TNRC6B: variants seen among roughly 807,000 people sequenced by gnomAD.
TNRC6B encodes trinucleotide repeat-containing gene 6B protein.
In TNRC6B, 52 loss-of-function variants were observed where a neutral mutation model predicts 203.6. The observed-to-expected ratio is 0.26, with a 90% CI of 0.20 to 0.32. The LOEUF is 0.32. Ranked by LOEUF, TNRC6B falls within the 10% of genes least tolerant of loss-of-function variation. The pLI is 1.00. For synonymous variants in TNRC6B, 838 were observed against 845.7 expected, an observed-to-expected ratio of 0.99 and a Z score of 0.16; for missense variants, 1,923 against 2,286.2, an observed-to-expected ratio of 0.84 and a Z score of 3.24.
chr22:40,298,656 C>G (rs1399429986), intron 12 of TNRC6B, among the ~76,000 whole-genome samples: 3 of 152,214 alleles, frequency 2.0e-5, no homozygotes, highest in Admixed American at 6.5e-5. Context: ...GTAACTTGCT[C>G]TGAGTCAGCT....
chr22:40,137,201 C>T (rs1218509881), intron 3 of TNRC6B, among the ~76,000 whole-genome samples: 1 of 152,198 alleles, frequency 6.6e-6, no homozygotes, highest in African/African-American at 2.4e-5. Flanking sequence ...ATATCTCTAC[C>T]TTAGGCTGGA....
At chr22:40,289,147 G>T (rs1467022862) in intron 12 of TNRC6B, among the ~76,000 whole-genome samples, 1 of 152,034 alleles carries the variant, frequency 6.6e-6, no homozygotes, top group African/African-American at 2.4e-5. Context: ...TCCAGGCATG[G>T]TGGTGTGTAC....
intron 1 of TNRC6B, among the ~76,000 whole-genome samples, chr22:40,216,568 C>T (rs1473376139): frequency 6.6e-6 from 1 of 152,030 alleles, no homozygotes; most frequent in Non-Finnish European, 1.5e-5. Flanking sequence ...GTCTAGATGG[C>T]GTCACTGCAC....
upstream of TNRC6B, among the ~76,000 whole-genome samples, chr22:40,174,942 T>C (rs2069041895): frequency 6.6e-6 from 1 of 152,238 alleles, no homozygotes; most frequent in African/African-American, 2.4e-5. Context: ...GAATCTATTA[T>C]GTCTGGAAAC....
At position 40,261,936 on chromosome 22, in the gene TNRC6B, G is replaced by A; in HGVS notation, c.220G>A (p.Ala74Thr). ...TGGTGGCAACAATGCCAAAAGGGTG[G>A]CAGTGCCGAACGGACAACCGCCAAG... ...VNGGNNAKRV[A>T]VPNGQPPSAA... The change falls in exon 4 of 23, where the codon GCA becomes ACA. Residue 74 changes from alanine (A) to threonine (T), a missense_variant. Coordinates refer to ENST00000454349, the MANE Select transcript of TNRC6B (RefSeq NM_001162501.2). The A allele has an allele frequency of 6.2e-7, 1 of 1,612,632 alleles. No individual in the cohort carries two copies. The highest frequency in any genetic ancestry group is 1.1e-5 in the South Asian group (1 of 91,058).
At chr22:40,186,564 C>A (rs2069206032) in intron 1 of TNRC6B, among the ~76,000 whole-genome samples, 2 of 151,542 alleles carry the variant, frequency 1.3e-5, no homozygotes, top group South Asian at 4.2e-4. Context: ...ATGGTGAAAC[C>A]CCGTCTCTAC....
intron 6 of TNRC6B, among the ~76,000 whole-genome samples, chr22:40,273,019 T>C (rs773469245): frequency 6.6e-6 from 1 of 152,260 alleles, no homozygotes; most frequent in Non-Finnish European, 1.5e-5. Context: ...GTCCATTGTA[T>C]ATAAAGTACA....
In TNRC6B at chr22:40,326,147, G is replaced by C. The variant is rs2071399323; in HGVS notation, c.*2906G>C. The stretch of plus-strand genomic sequence containing the variant: ...TTCTGTTTTTAACATTTGTTTTCCT[G>C]CTTTAAAATTTGCAAGCATTCTCAG... On this transcript the variant is annotated 3_prime_UTR_variant, in exon 23 of 23. Transcript: ENST00000454349. 6.6e-6 allele frequency: 1 copy of C among 152,360 alleles called. No homozygotes were observed. Among genetic ancestry groups the C allele is most frequent in the African/African-American group, 2.4e-5 (1 of 41,370 alleles). The allele number at this position is 152,360 out of a possible 1,614,324, so 9.4% of individuals were successfully genotyped here.
intron 1 of TNRC6B, among the ~76,000 whole-genome samples, chr22:40,181,986 C>A (rs1259930214): frequency 6.6e-6 from 1 of 151,314 alleles, no homozygotes; most frequent in African/African-American, 2.4e-5. Context: ...TGGCTCACGC[C>A]TGTAATCCCA....
At chr22:40,093,938 A>AAT (rs150288344) in intron 1 of TNRC6B, among the ~76,000 whole-genome samples, 6,685 of 152,208 alleles carry the variant, frequency 0.044, 439 homozygotes, top group African/African-American at 0.14. Flanking sequence ...TATATTTCAA[A>AAT]ATAACTGGAA....
At chr22:40,177,849 C>T (rs963135971), upstream of TNRC6B, 1 of 1,326,978 alleles carries the variant, frequency 7.5e-7, no homozygotes, top group African/African-American at 1.5e-5. Context: ...AGCTCCCTCC[C>T]CTTTCCTGAT....
At chr22:40,314,148 T>TCACCTCAGACTTG (rs2071225267) in intron 19 of TNRC6B, among the ~76,000 whole-genome samples, 1 of 152,194 alleles carries the variant, frequency 6.6e-6, no homozygotes, top group African/African-American at 2.4e-5. Context: ...GGCCCAAGAA[T>TCACCTCAGACTTG]CACCTCAGAC....
At chr22:40,048,596 G>T (rs188780993) in intron 1 of TNRC6B, among the ~76,000 whole-genome samples, 1 of 149,594 alleles carries the variant, frequency 6.7e-6, no homozygotes, top group East Asian at 1.9e-4. Context: ...ATCCTTTTCT[G>T]TCTCCCTGCA....
intron 3 of TNRC6B, among the ~76,000 whole-genome samples, chr22:40,150,994 A>G (rs767325033): frequency 6.6e-6 from 1 of 152,172 alleles, no homozygotes; most frequent in Non-Finnish European, 1.5e-5. Context: ...TCTCGCTCTT[A>G]AATATCAGTG....
chr22:40,246,783 T>C (rs1409252473), intron 2 of TNRC6B, among the ~76,000 whole-genome samples: 6 of 152,126 alleles, frequency 3.9e-5, no homozygotes, highest in Non-Finnish European at 8.8e-5. Flanking sequence ...CGGTGTTCTT[T>C]TGTTCCACCC....
chr22:40,265,126 T>G lies in TNRC6B; in HGVS notation c.896T>G (p.Phe299Cys). Reference sequence around the variant, plus strand: ...GATAGAATTGGACCTGGCTCTGGCTTCAGCAACTTTAACCCAAATAGCAAC... The same window carrying G: ...GATAGAATTGGACCTGGCTCTGGCTGCAGCAACTTTAACCCAAATAGCAAC... ...GQDRIGPGSG[F>C]SNFNPNSNPS... The change falls in exon 5 of 23, where the codon TTC becomes TGC. Residue 299 changes from phenylalanine to cysteine, a missense_variant. Phe to Cys is a radical substitution (Grantham distance 205). Around this residue, in one of 8 missense-constraint regions of TNRC6B, gnomAD observed 614 missense variants for 587.7 expected, o/e 1.04. Transcript: ENST00000454349. 6.2e-7 allele frequency: 1 copy of G among 1,613,974 alleles called. No individual in the cohort carries two copies. The highest frequency in any genetic ancestry group is 8.5e-7 in the Non-Finnish European group (1 of 1,179,880).
In TNRC6B at chr22:40,264,740, C is replaced by T. The variant is rs762689850; in HGVS notation, c.510C>T (p.Gly170=). 2 of 1,610,152 alleles carry T rather than the reference C, an allele frequency of 1.2e-6. No individual in the cohort carries two copies. The highest frequency in any genetic ancestry group is 4.5e-5 in the East Asian group (2 of 44,806). The change falls in exon 5 of 23, where the codon GGC becomes GGT. Residue 170 remains glycine, a synonymous_variant. Transcript: ENST00000454349. ...CAAATTATGCAAATTCCACTTGGGG[C>T]TCGGGAGCCTCCTCCAACAACGGCA... ...AASNYANSTW[G]SGASSNNGTS... is the part of the protein sequence containing the mutation.
At chr22:40,191,686 A>G (rs2069275483) in intron 1 of TNRC6B, among the ~76,000 whole-genome samples, 1 of 152,148 alleles carries the variant, frequency 6.6e-6, no homozygotes, top group Non-Finnish European at 1.5e-5. Flanking sequence ...GGCTCAAGTG[A>G]TCCTCCTGCC....
At chr22:40,226,453 G>A (rs1384696514) in intron 1 of TNRC6B, among the ~76,000 whole-genome samples, 1 of 152,198 alleles carries the variant, frequency 6.6e-6, no homozygotes, top group Admixed American at 6.5e-5. Flanking sequence ...CCTGCCGTCA[G>A]ATCACTTGTT....
Sources: gnomAD v4.1 joint callset for allele counts (sites outside exome capture counted in the v4.1 genomes callset) on GRCh38, gnomAD v4.1.1 for gene constraint, gnomAD v4.1.1 regional missense constraint, MANE v1.5 for transcripts, NCBI Gene and HGNC (gene_info 2026-07-23, HGNC 2026-07-21) for gene names.